LSAMP: variants seen among roughly 807,000 people sequenced by gnomAD.
LSAMP encodes the protein limbic system-associated membrane protein.
In LSAMP, 7 loss-of-function variants were observed where a neutral mutation model predicts 38.6. That is an observed-to-expected ratio of 0.18 (90% CI 0.10 to 0.34). The LOEUF (loss-of-function observed/expected upper bound fraction) is 0.34, where lower values mean the gene tolerates loss of function less well. Among genes scored for constraint, LSAMP ranks in the 10% least tolerant of loss-of-function variants. The pLI, the probability that LSAMP is intolerant of heterozygous loss-of-function variation, is 1.00. For missense variants in LSAMP, 313 were observed against 420.0 expected (o/e 0.75, Z 2.23); for synonymous variants, 154 against 166.8 (o/e 0.92, Z 0.59).
chr3:116,170,775 G>C (rs1451363055), intron 1 of LSAMP, among the ~76,000 whole-genome samples: 1 of 152,066 alleles, frequency 6.6e-6, no homozygotes, highest in Admixed American at 6.6e-5. Flanking sequence ...AGAACATCCT[G>C]ACTCAAACTG....
chr3:116,207,538 G>T (rs13068063), intron 1 of LSAMP, among the ~76,000 whole-genome samples: 2 of 150,628 alleles, frequency 1.3e-5, no homozygotes, highest in African/African-American at 2.4e-5. Context: ...TGCAGCGGCT[G>T]GTCCCGGTTG....
chr3:116,138,476 T>C (rs1709299221), intron 1 of LSAMP, among the ~76,000 whole-genome samples: 1 of 152,054 alleles, frequency 6.6e-6, no homozygotes, highest in African/African-American at 2.4e-5. Context: ...TTCTAAAGAT[T>C]GACGCAATTG....
At chr3:116,208,496 G>A (rs550427761) in intron 1 of LSAMP, among the ~76,000 whole-genome samples, 48 of 152,218 alleles carry the variant, frequency 3.2e-4, no homozygotes, top group African/African-American at 8.4e-4. Flanking sequence ...AGAGTTTCCC[G>A]TTTTTCTGTT....
At chr3:116,314,737 T>G (rs1285938600) in intron 1 of LSAMP, among the ~76,000 whole-genome samples, 1 of 152,168 alleles carries the variant, frequency 6.6e-6, no homozygotes, top group African/African-American at 2.4e-5. Context: ...GCTGGACCAT[T>G]AGTGCTGCTA....
At chr3:115,961,069 C>T (rs946039478) in intron 3 of LSAMP, among the ~76,000 whole-genome samples, 3 of 152,092 alleles carry the variant, frequency 2.0e-5, no homozygotes, top group Non-Finnish European at 4.4e-5. Context: ...AGCAGCTTAA[C>T]GAGGTAAGGG....
At chr3:116,295,599 C>T (rs1410260736) in intron 1 of LSAMP, among the ~76,000 whole-genome samples, 1 of 152,160 alleles carries the variant, frequency 6.6e-6, no homozygotes, top group Non-Finnish European at 1.5e-5. Flanking sequence ...TCCTTCTAGT[C>T]ACAGTTCTAT....
At chr3:115,956,924 AG>A (rs1261844342) in intron 3 of LSAMP, among the ~76,000 whole-genome samples, 1 of 152,206 alleles carries the variant, frequency 6.6e-6, no homozygotes, top group Non-Finnish European at 1.5e-5. Context: ...AACATTCTTC[AG>A]GTGCCAGAAG....
At chr3:115,917,141 T>C (rs897477258) in intron 3 of LSAMP, among the ~76,000 whole-genome samples, 1 of 152,180 alleles carries the variant, frequency 6.6e-6, no homozygotes, top group Non-Finnish European at 1.5e-5. Context: ...TTACTGCAGA[T>C]GGTTTCAGAT....
At chr3:115,933,001 C>T (rs1256980847) in intron 3 of LSAMP, among the ~76,000 whole-genome samples, 1 of 152,102 alleles carries the variant, frequency 6.6e-6, no homozygotes, top group Non-Finnish European at 1.5e-5. Flanking sequence ...TGAGCATCAA[C>T]TCATAATGTT....
chr3:115,845,943 T>A (rs1472856165), intron 4 of LSAMP, among the ~76,000 whole-genome samples: 1 of 152,234 alleles, frequency 6.6e-6, no homozygotes, highest in Non-Finnish European at 1.5e-5. Context: ...AATTTTCTTG[T>A]ACCAGGGTAA....
chr3:115,826,838 C>T (rs908608794), intron 6 of LSAMP, among the ~76,000 whole-genome samples: 10 of 151,784 alleles, frequency 6.6e-5, no homozygotes, highest in Admixed American at 2.0e-4. Context: ...AAAGCAAAGG[C>T]AAGAGCAAGT....
At chr3:116,147,137 T>G (rs554705165) in intron 1 of LSAMP, among the ~76,000 whole-genome samples, 19 of 151,994 alleles carry the variant, frequency 1.3e-4, no homozygotes, top group African/African-American at 4.6e-4. Flanking sequence ...AAAAGCCAAT[T>G]TTTTTACACA....
At chr3:115,871,018 A>T (rs1018372186) in intron 3 of LSAMP, among the ~76,000 whole-genome samples, 4 of 152,164 alleles carry the variant, frequency 2.6e-5, no homozygotes, top group Non-Finnish European at 5.9e-5. Context: ...CAACAAGAAG[A>T]TGGGAAAGAA....
intron 1 of LSAMP, among the ~76,000 whole-genome samples, chr3:116,208,897 G>A (rs1427504169): frequency 6.6e-6 from 1 of 152,222 alleles, no homozygotes; most frequent in Non-Finnish European, 1.5e-5. Context: ...ACAGAGGCAG[G>A]CAGGCCTCCT....
intron 1 of LSAMP, among the ~76,000 whole-genome samples, chr3:116,091,052 T>C (rs780007833): frequency 4.6e-5 from 7 of 152,166 alleles, no homozygotes; most frequent in Non-Finnish European, 8.8e-5. Context: ...CTGGAGACTA[T>C]CTCACCTCTG....
At chr3:116,156,439 T>C (rs1450339467) in intron 1 of LSAMP, among the ~76,000 whole-genome samples, 1 of 151,984 alleles carries the variant, frequency 6.6e-6, no homozygotes, top group African/African-American at 2.4e-5. Flanking sequence ...AAACACATAT[T>C]TGGGATTAGG....
intron 1 of LSAMP, among the ~76,000 whole-genome samples, chr3:116,205,075 C>T (rs1197854701): frequency 2.8e-5 from 4 of 143,146 alleles, no homozygotes; most frequent in South Asian, 2.4e-4. Flanking sequence ...TCTTTTATTT[C>T]GTTGAGCAGT....
intron 1 of LSAMP, among the ~76,000 whole-genome samples, chr3:116,344,603 C>T (rs1218311697): frequency 6.6e-6 from 1 of 152,068 alleles, no homozygotes; most frequent in Non-Finnish European, 1.5e-5. Flanking sequence ...GCACCTGGTG[C>T]CAACACGTAA....
intron 3 of LSAMP, among the ~76,000 whole-genome samples, chr3:115,894,573 C>G (rs577442162): frequency 6.6e-6 from 1 of 152,110 alleles, no homozygotes; most frequent in Admixed American, 6.6e-5. Flanking sequence ...TTCAGAAATA[C>G]CATCTTCTGA....
Sources: gnomAD v4.1 joint callset for allele counts (sites outside exome capture counted in the v4.1 genomes callset) on GRCh38, gnomAD v4.1.1 for gene constraint, MANE v1.5 for transcripts, NCBI Gene and HGNC (gene_info 2026-07-23, HGNC 2026-07-21) for gene names.